FAM135B: variants seen among roughly 807,000 people sequenced by gnomAD.
FAM135B encodes family with sequence similarity 135 member B, also known as protein FAM135B.
In FAM135B, 43 loss-of-function variants were observed where a neutral mutation model predicts 127.7. The observed-to-expected ratio is 0.34, with a 90% CI of 0.26 to 0.43. FAM135B has a LOEUF of 0.43. Among genes scored for constraint, FAM135B ranks in the 20% least tolerant of loss-of-function variants. The pLI is 1.00. For missense variants in FAM135B, 1,558 were observed against 1,725.6 expected (o/e 0.90, Z 1.72); for synonymous variants, 670 against 665.1 (o/e 1.01, Z -0.11).
At chr8:138,299,165 C>A (rs1358191194) in intron 3 of FAM135B, among the ~76,000 whole-genome samples, 1 of 151,478 alleles carries the variant, frequency 6.6e-6, no homozygotes, top group African/African-American at 2.4e-5. Flanking sequence ...CGCTTCCTAG[C>A]AATTATATTA....
rs11271386 is a variant in FAM135B, at chr8:138,425,964, C to CATATATATAT, written c.-19-57972_-19-57963dup. ...AGGAGTTCGAGACCAGCCAGGCCAACATATATATATATATATATATATATA... is the reference window on the plus strand; with the variant it reads ...AGGAGTTCGAGACCAGCCAGGCCAACATATATATATATATATATATATATATATATATATA... On this transcript the variant is annotated intron_variant, in intron 1 of 19. Coordinates refer to ENST00000395297, the MANE Select transcript of FAM135B (RefSeq NM_015912.4). 2.8e-3 allele frequency among the ~76,000 whole-genome samples: 308 copies of CATATATATAT among 109,852 alleles called. 2 individuals carry two copies. Among genetic ancestry groups the CATATATATAT allele is most frequent in the Middle Eastern group, 8.9e-3 (2 of 224 alleles). 72.1% of individuals were successfully genotyped at this position (109,852 alleles called of 152,430 possible). A position where few individuals can be genotyped will look rare whatever the true frequency, so the allele number is the denominator to read the frequency against.
At chr8:138,154,248 A>C (rs1477976887) in intron 12 of FAM135B, among the ~76,000 whole-genome samples, 5 of 137,638 alleles carry the variant, frequency 3.6e-5, no homozygotes, top group Non-Finnish European at 6.2e-5. Context: ...AGGAAAACTA[A>C]CAAACAGAAA....
chr8:138,250,066 G>A (rs1821581171), intron 6 of FAM135B, among the ~76,000 whole-genome samples: 1 of 152,128 alleles, frequency 6.6e-6, no homozygotes, highest in Admixed American at 6.5e-5. Flanking sequence ...CAAACCATAT[G>A]AATGGGCTGG....
intron 1 of FAM135B, among the ~76,000 whole-genome samples, chr8:138,476,412 C>G (rs1814440849): frequency 1.3e-5 from 2 of 150,808 alleles, no homozygotes; most frequent in African/African-American, 4.9e-5. Context: ...AGAAATGGAC[C>G]ACGGTGAGGT....
chr8:138,455,840 C>G (rs1191839059), intron 1 of FAM135B, among the ~76,000 whole-genome samples: 1 of 152,104 alleles, frequency 6.6e-6, no homozygotes, highest in Admixed American at 6.5e-5. Flanking sequence ...ACAGCTGTTA[C>G]AGTGGCTGAG....
At chr8:138,436,135 C>A (rs182461567) in intron 1 of FAM135B, among the ~76,000 whole-genome samples, 6 of 152,202 alleles carry the variant, frequency 3.9e-5, no homozygotes, top group African/African-American at 1.4e-4. Flanking sequence ...AGGGAATATG[C>A]AATTTAATGC....
rs759696683 is a variant in FAM135B at position 138,137,240 on chromosome 8, C to T, written c.3922G>A (p.Val1308Ile). 1.9e-5 allele frequency: 30 copies of T among 1,607,652 alleles called. 1 individual carries two copies. Among genetic ancestry groups the T allele is most frequent in the Non-Finnish European group, 2.0e-5 (24 of 1,174,218 alleles). Residue 1308 changes from valine (V) to isoleucine (I), a missense_variant, in exon 19 of 20, where the codon GTC becomes ATC. Transcript: ENST00000395297. ...QKTGLQYFKNVVLVASPQDRY... is the reference protein window; with the variant it reads ...QKTGLQYFKNIVLVASPQDRY... Reference sequence around the variant, plus strand: ...TCTTGGGGAGAAGCAACCAGCACGACGTTTTTAAAATACTGCAGCCCTGTA... The same window carrying T: ...TCTTGGGGAGAAGCAACCAGCACGATGTTTTTAAAATACTGCAGCCCTGTA...
intron 19 of FAM135B, among the ~76,000 whole-genome samples, chr8:138,136,175 A>G (rs1488961688): frequency 2.0e-5 from 3 of 152,164 alleles, no homozygotes; most frequent in African/African-American, 4.8e-5. Context: ...TTTCATCAAA[A>G]TTCCTGTTGG....
At chr8:138,410,923 A>G (rs1279143598) in intron 1 of FAM135B, among the ~76,000 whole-genome samples, 1 of 151,780 alleles carries the variant, frequency 6.6e-6, no homozygotes, top group Non-Finnish European at 1.5e-5. Flanking sequence ...CTAGGAATCC[A>G]ACTTACAAGG....
rs780954679 is a variant in FAM135B, at chr8:138,152,040, C to A, written c.2435G>T (p.Cys812Phe). ...HSKSQGSPGS[C>F]SQLCGDSGTD... ...TCCAGAGTCACCACAAAGTTGAGAG[C>A]AAGATCCTGGGGAACCTTGGCTCTT... is the stretch of plus-strand genomic sequence containing the variant. The change falls in exon 13 of 20, where the codon TGC (cysteine) becomes TTC (phenylalanine). Residue 812 changes from cysteine (C) to phenylalanine (F), a missense_variant. Coordinates refer to ENST00000395297, the MANE Select transcript of FAM135B (RefSeq NM_015912.4). 9 of 1,614,036 alleles carry A rather than the reference C, an allele frequency of 5.6e-6. No homozygotes were observed. Among genetic ancestry groups the A allele is most frequent in the Non-Finnish European group, 7.6e-6 (9 of 1,180,034 alleles).
intron 2 of FAM135B, among the ~76,000 whole-genome samples, chr8:138,335,910 C>A (rs186512427): frequency 1.1e-4 from 16 of 152,336 alleles, no homozygotes; most frequent in African/African-American, 3.8e-4. Context: ...AACTGTCTCT[C>A]AGACCACAGT....
At chr8:138,447,125 G>C (rs1297144979) in intron 1 of FAM135B, among the ~76,000 whole-genome samples, 1 of 151,466 alleles carries the variant, frequency 6.6e-6, no homozygotes. Context: ...ACACCAGTTA[G>C]AATGGCGATC....
At chr8:138,480,128 G>T (rs1587550427) in intron 1 of FAM135B, among the ~76,000 whole-genome samples, 2 of 152,314 alleles carry the variant, frequency 1.3e-5, no homozygotes, top group South Asian at 4.2e-4. Flanking sequence ...ATGAGCCTCT[G>T]GGAGTTGAGC....
intron 18 of FAM135B, 142 bp downstream of exon 18, chr8:138,138,844 G>T: frequency 1.7e-6 from 1 of 592,678 alleles, no homozygotes; most frequent in Non-Finnish European, 3.1e-6. Context: ...GCCTCCCAAT[G>T]AGCCAAAGAG....
chr8:138,432,649 T>C (rs1308041980), intron 1 of FAM135B, among the ~76,000 whole-genome samples: 1 of 151,964 alleles, frequency 6.6e-6, no homozygotes, highest in East Asian at 1.9e-4. Context: ...CATCTAATCA[T>C]CACTAACAGA....
intron 1 of FAM135B, among the ~76,000 whole-genome samples, chr8:138,369,668 C>T (rs374643326): frequency 2.8e-4 from 43 of 152,264 alleles, no homozygotes; most frequent in African/African-American, 8.2e-4. Context: ...CCAACACACC[C>T]GAGCCAGTCA....
In FAM135B at chr8:138,407,246, T is replaced by G. The variant is rs543208271; in HGVS notation, c.-19-39244A>C. On this transcript the variant is annotated intron_variant, in intron 1 of 19. Coordinates refer to ENST00000395297, the MANE Select transcript of FAM135B (RefSeq NM_015912.4). ...AGGAGAACTACAAACCACTGCTCAA[T>G]GAAATAAAAGAGGACACAAACAAAT... is the stretch of plus-strand genomic sequence containing the variant. Among the ~76,000 whole-genome samples the G allele has an allele frequency of 2.4e-3, 368 of 150,596 alleles. 2 individuals carry two copies. The highest frequency in any genetic ancestry group is 8.3e-3 in the African/African-American group (341 of 40,958).
At chr8:138,289,790 A>T (rs1049104903) in intron 3 of FAM135B, among the ~76,000 whole-genome samples, 2 of 152,084 alleles carry the variant, frequency 1.3e-5, no homozygotes, top group Admixed American at 1.3e-4. Context: ...TGGGAGTTGG[A>T]TGTCTTTGCT....
intron 1 of FAM135B, among the ~76,000 whole-genome samples, chr8:138,494,328 G>A (rs566620818): frequency 2.2e-4 from 33 of 152,350 alleles, no homozygotes; most frequent in African/African-American, 7.9e-4. Flanking sequence ...GGCCATGGCT[G>A]CACCAGGTGC....
Sources: gnomAD v4.1 joint callset for allele counts (sites outside exome capture counted in the v4.1 genomes callset) on GRCh38, gnomAD v4.1.1 for gene constraint, MANE v1.5 for transcripts, NCBI Gene and HGNC (gene_info 2026-07-23, HGNC 2026-07-21) for gene names.